Variants in WNK1 observed in about 807,000 individuals in gnomAD.
WNK1 encodes serine/threonine-protein kinase WNK1.
WNK1 carries 38 observed loss-of-function variants against 222.8 expected under a neutral mutation model. The ratio of observed to expected loss-of-function variants is 0.17; its 90% CI spans 0.13 to 0.22. The LOEUF (loss-of-function observed/expected upper bound fraction) is 0.22, where lower values mean the gene tolerates loss of function less well. WNK1 is among the 10% of genes least tolerant of loss of function. The pLI is 1.00. For missense variants in WNK1, 2,348 were observed against 2,918.4 expected (o/e 0.80, Z 4.50); for synonymous variants, 1,090 against 1,092.9 (o/e 1.00, Z 0.05).
At chr12:856,458 GA>G (rs34550768) in intron 4 of WNK1, among the ~76,000 whole-genome samples, 33,392 of 121,160 alleles carry the variant, frequency 0.28, 4,571 homozygotes, top group East Asian at 0.52. Context: ...CATCTCGAGG[GA>G]AAAAAAAAAA....
intron 4 of WNK1, among the ~76,000 whole-genome samples, chr12:844,520 A>T (rs1949877197): frequency 6.6e-6 from 1 of 152,114 alleles, no homozygotes; most frequent in South Asian, 2.1e-4. Flanking sequence ...AGTCCATTGG[A>T]ACTGTGCTAG....
At chr12:908,197 C>T (rs72652205) in intron 27 of WNK1, 163 bp downstream of exon 27, 3 of 967,162 alleles carry the variant, frequency 3.1e-6, no homozygotes, top group East Asian at 2.6e-5. Context: ...ATTTTTCCTT[C>T]CCTGAATTCC....
chr12:803,712 G>A (rs150145262), intron 1 of WNK1, among the ~76,000 whole-genome samples: 1,550 of 152,250 alleles, frequency 0.01, 29 homozygotes, highest in African/African-American at 0.035. Context: ...ACTCCAGCCT[G>A]TGTGACAGAG....
At chr12:805,282 C>G (rs1946274971) in intron 1 of WNK1, among the ~76,000 whole-genome samples, 2 of 152,196 alleles carry the variant, frequency 1.3e-5, no homozygotes, top group Admixed American at 6.5e-5. Context: ...CTTGCCAACA[C>G]TTTTTTGCTT....
intron 4 of WNK1, among the ~76,000 whole-genome samples, chr12:853,933 G>A (rs893086651): frequency 1.3e-5 from 2 of 150,994 alleles, no homozygotes; most frequent in African/African-American, 4.8e-5. Context: ...TTGTCTCTTT[G>A]GAGAGACAGG....
intron 19 of WNK1, among the ~76,000 whole-genome samples, 164 bp downstream of exon 19, chr12:886,248 G>T (rs1367863748): frequency 6.6e-6 from 1 of 151,992 alleles, no homozygotes; most frequent in Admixed American, 6.6e-5. Flanking sequence ...TATCTACAAT[G>T]AACATGAGAT....
At chr12:833,549 C>T (rs1006072813) in intron 4 of WNK1, among the ~76,000 whole-genome samples, 1 of 152,200 alleles carries the variant, frequency 6.6e-6, no homozygotes, top group African/African-American at 2.4e-5. Flanking sequence ...TCCAGTCAAT[C>T]CATATACTTA....
chr12:883,358 T>C, intron 15 of WNK1, 37 bp from the exon 16 acceptor site: 1 of 1,611,088 alleles, frequency 6.2e-7, no homozygotes, highest in Non-Finnish European at 8.5e-7. Flanking sequence ...GTTTGAGAAA[T>C]GACACTAATT....
rs3220370 is a variant in WNK1 at position 801,424 on chromosome 12, TG to T, written c.760-12217del. 8.8e-3 allele frequency among the ~76,000 whole-genome samples: 141 copies of T among 15,974 alleles called. 2 individuals carry two copies. Among genetic ancestry groups the T allele is most frequent in the South Asian group, 0.064 (36 of 564 alleles). 10.5% of individuals were successfully genotyped at this position (15,974 alleles called of 152,430 possible). A position where few individuals can be genotyped will look rare whatever the true frequency, so the allele number is the denominator to read the frequency against. On this transcript the variant is annotated intron_variant, in intron 1 of 27. Coordinates refer to ENST00000315939, the MANE Select transcript of WNK1 (RefSeq NM_018979.4). ...ACTCCCAATATAACCTTTTTTTCTT[TG>T]TGTGTGTGTGTGTGTGTGTGTGTGT...
At chr12:871,623 G>A (rs960621583) in intron 9 of WNK1, among the ~76,000 whole-genome samples, 1 of 151,170 alleles carries the variant, frequency 6.6e-6, no homozygotes, top group Non-Finnish European at 1.5e-5. Context: ...TTTTTTTTGA[G>A]ACAAAGTCTC....
At chr12:887,377 C>A in intron 20 of WNK1, 73 bp downstream of exon 20, 1 of 1,481,426 alleles carries the variant, frequency 6.8e-7, no homozygotes, top group Non-Finnish European at 9.4e-7. Context: ...TTCTCCACTA[C>A]GTGGTCTTGG....
chr12:887,852 G>A (rs1200049498), intron 20 of WNK1, among the ~76,000 whole-genome samples: 3 of 152,128 alleles, frequency 2.0e-5, no homozygotes, highest in Non-Finnish European at 4.4e-5. Flanking sequence ...TAAAATAAAA[G>A]CCACCGAGCT....
Position 908,823 on chromosome 12 carries a change from G to A in WNK1, c.*31G>A, listed in dbSNP as rs1365397287. ...GAGACATTAACTGAATAGATCTGGGGGCAGGAGATGGAATGCTGAGGGGGT... is the reference window on the plus strand; with the variant it reads ...GAGACATTAACTGAATAGATCTGGGAGCAGGAGATGGAATGCTGAGGGGGT... On this transcript the variant is annotated 3_prime_UTR_variant, in exon 28 of 28. Transcript: ENST00000315939. 6.4e-7 allele frequency: 1 copy of A among 1,570,162 alleles called. No individual in the cohort carries two copies.
intron 1 of WNK1, among the ~76,000 whole-genome samples, chr12:785,403 CCCCCCCA>C (rs1432359047): frequency 8.4e-5 from 3 of 35,646 alleles, no homozygotes; most frequent in African/African-American, 1.3e-4. Flanking sequence ...TTTTCTCCCC[CCCCCCCA>C]CCCCCTCGAA....
intron 1 of WNK1, among the ~76,000 whole-genome samples, chr12:780,969 A>G (rs1358166559): frequency 6.6e-6 from 1 of 152,346 alleles, no homozygotes; most frequent in East Asian, 1.9e-4. Context: ...TGCAGTGGCT[A>G]TCAAACCTTT....
chr12:815,755 G>A (rs72648618), intron 2 of WNK1, among the ~76,000 whole-genome samples: 24 of 152,184 alleles, frequency 1.6e-4, no homozygotes, highest in Non-Finnish European at 3.4e-4. Context: ...TGTCTGGCAT[G>A]CCTAAGATTA....
At chr12:857,610 AATAAAAC>A (rs1950883545) in intron 5 of WNK1, among the ~76,000 whole-genome samples, 1 of 152,244 alleles carries the variant, frequency 6.6e-6, no homozygotes, top group Non-Finnish European at 1.5e-5. Context: ...TAAGTGGTGA[AATAAAAC>A]TTTGGCTCTT....
intron 26 of WNK1, among the ~76,000 whole-genome samples, chr12:902,176 A>G (rs142283669): frequency 5.3e-4 from 80 of 151,594 alleles, no homozygotes; most frequent in African/African-American, 1.9e-3. Context: ...GTGTGCACCT[A>G]TAGTCCCAGC....
Position 862,133 on chromosome 12 carries a change from C to T in WNK1, c.2002C>T (p.Arg668Ter). The change falls in exon 8 of 28, where the codon CGA (arginine) becomes TGA (stop). Residue 668 changes from arginine to a stop codon, truncating the protein, a stop_gained. Transcript: ENST00000315939. LOFTEE classifies it high-confidence loss of function. ...GGGATCCTCTGTCTTCACAGAATCT[C>T]GAGTGAGCAGCCAACAGACAGTTTC... The part of the protein sequence containing the change: ...GQGSSVFTES[R>*]VSSQQTVSYG... The T allele has an allele frequency of 6.2e-7, 1 of 1,613,940 alleles. No homozygotes were observed. The highest frequency in any genetic ancestry group is 8.5e-7 in the Non-Finnish European group (1 of 1,179,956).
Sources: allele counts gnomAD v4.1 joint callset (sites outside exome capture counted in the v4.1 genomes callset), GRCh38; gene constraint gnomAD v4.1.1; transcripts MANE v1.5; gene names NCBI Gene and HGNC (gene_info 2026-07-23, HGNC 2026-07-21).